Variants in FANCC observed in about 807,000 individuals in gnomAD.
The protein encoded by FANCC is FA complementation group C.
In FANCC, 55 loss-of-function variants were observed where a neutral mutation model predicts 71.3. That is an observed-to-expected ratio of 0.77 (90% CI 0.62 to 0.97). The LOEUF (loss-of-function observed/expected upper bound fraction) is 0.97, where lower values mean the gene tolerates loss of function less well. Ranked by LOEUF, FANCC falls within the 50% of genes least tolerant of loss-of-function variation. FANCC has a pLI of 0.00. For missense variants in FANCC, 678 were observed against 670.9 expected (o/e 1.01, Z -0.12); for synonymous variants, 275 against 244.9 (o/e 1.12, Z -1.15).
chr9:95,153,749 C>T (rs1203565783), intron 6 of FANCC, among the ~76,000 whole-genome samples: 2 of 152,104 alleles, frequency 1.3e-5, no homozygotes, highest in African/African-American at 4.8e-5. Context: ...ATATTTTCTC[C>T]CACTCTGTTG....
intron 7 of FANCC, among the ~76,000 whole-genome samples, chr9:95,138,168 A>G (rs1039390814): frequency 2.0e-5 from 3 of 152,256 alleles, no homozygotes; most frequent in Admixed American, 2.0e-4. Flanking sequence ...AGCCGAGGTC[A>G]GAGAGGACCA....
At chr9:95,274,866 G>A (rs1832946189) in intron 1 of FANCC, among the ~76,000 whole-genome samples, 1 of 152,148 alleles carries the variant, frequency 6.6e-6, no homozygotes, top group South Asian at 2.1e-4. Context: ...AAGGGATAAG[G>A]GGAGGATATC....
chr9:95,144,868 A>G (rs1347610738), intron 7 of FANCC, among the ~76,000 whole-genome samples: 1 of 152,206 alleles, frequency 6.6e-6, no homozygotes, highest in African/African-American at 2.4e-5. Flanking sequence ...GCACGTTCAC[A>G]ACGCCCTTTA....
At chr9:95,270,830 T>C (rs1446330939) in intron 1 of FANCC, among the ~76,000 whole-genome samples, 2 of 152,194 alleles carry the variant, frequency 1.3e-5, no homozygotes, top group Non-Finnish European at 2.9e-5. Flanking sequence ...TGCCACAATG[T>C]TAGAATACAC....
At chr9:95,259,612 C>T (rs1250427990) in intron 1 of FANCC, among the ~76,000 whole-genome samples, 2 of 152,162 alleles carry the variant, frequency 1.3e-5, no homozygotes, top group East Asian at 3.8e-4. Flanking sequence ...TAGGCAGTAC[C>T]ATTTAGGACA....
chr9:95,172,527 G>C (rs1280574983), intron 4 of FANCC, among the ~76,000 whole-genome samples: 1 of 151,782 alleles, frequency 6.6e-6, no homozygotes, highest in Non-Finnish European at 1.5e-5. Context: ...TGTCATACAA[G>C]GTTCAAGGGT....
At chr9:95,192,948 CCTTT>C (rs1827200971) in intron 4 of FANCC, among the ~76,000 whole-genome samples, 1 of 152,150 alleles carries the variant, frequency 6.6e-6, no homozygotes, top group Non-Finnish European at 1.5e-5. Context: ...TCAGAAAGTT[CCTTT>C]GTTATAAAAT....
chr9:95,186,371 G>A (rs772979090), intron 4 of FANCC: 4 of 152,210 alleles, frequency 2.6e-5, no homozygotes, highest in Admixed American at 6.5e-5. Context: ...TCAATGCCAG[G>A]AGCCCCCTCA....
chr9:95,151,037 G>A (rs780778508), intron 6 of FANCC, among the ~76,000 whole-genome samples: 8 of 152,174 alleles, frequency 5.3e-5, no homozygotes, highest in Non-Finnish European at 8.8e-5. Flanking sequence ...GGTGGCTGGC[G>A]GCTACAGTAC....
chr9:95,260,342 A>G (rs1442782646), intron 1 of FANCC, among the ~76,000 whole-genome samples: 1 of 152,216 alleles, frequency 6.6e-6, no homozygotes. Flanking sequence ...CATATACACC[A>G]TGGAATGCTA....
At chr9:95,258,368 T>C (rs755790415) in intron 1 of FANCC, among the ~76,000 whole-genome samples, 4 of 152,218 alleles carry the variant, frequency 2.6e-5, no homozygotes, top group African/African-American at 9.7e-5. Context: ...ATCCCTGGGA[T>C]GCAAGGCTGG....
At chr9:95,117,904 TAG>T (rs1170187012) in intron 10 of FANCC, among the ~76,000 whole-genome samples, 3 of 152,154 alleles carry the variant, frequency 2.0e-5, no homozygotes, top group African/African-American at 7.2e-5. Context: ...TACTTTTTAG[TAG>T]AGACAGAGTT....
intron 1 of FANCC, among the ~76,000 whole-genome samples, chr9:95,309,826 G>A (rs917462428): frequency 2.0e-5 from 3 of 152,126 alleles, no homozygotes; most frequent in African/African-American, 7.2e-5. Flanking sequence ...CATGGATCCA[G>A]CATGACAGGT....
intron 4 of FANCC, among the ~76,000 whole-genome samples, chr9:95,224,341 G>A (rs1829473033): frequency 6.6e-6 from 1 of 152,028 alleles, no homozygotes; most frequent in Non-Finnish European, 1.5e-5. Context: ...GGCCCAACAT[G>A]GTCTGCCACT....
intron 4 of FANCC, among the ~76,000 whole-genome samples, chr9:95,223,084 T>C (rs956554488): frequency 1.3e-5 from 2 of 152,248 alleles, no homozygotes; most frequent in African/African-American, 4.8e-5. Context: ...GGATAAACTA[T>C]CAGTAACCAT....
intron 1 of FANCC, among the ~76,000 whole-genome samples, chr9:95,281,846 C>A (rs1403926441): frequency 6.6e-6 from 1 of 151,786 alleles, no homozygotes; most frequent in East Asian, 1.9e-4. Context: ...GTAAAATAAC[C>A]TTTTATAACT....
chr9:95,311,723 G>GTGTGTGTA (rs1835416462), intron 1 of FANCC, among the ~76,000 whole-genome samples: 2 of 151,780 alleles, frequency 1.3e-5, no homozygotes, highest in African/African-American at 4.8e-5. Flanking sequence ...GTGTGTGTGT[G>GTGTGTGTA]TGTGTGTGTG....
At chr9:95,161,363 A>C (rs1830735494) in intron 6 of FANCC, among the ~76,000 whole-genome samples, 1 of 150,830 alleles carries the variant, frequency 6.6e-6, no homozygotes, top group Non-Finnish European at 1.5e-5. Flanking sequence ...CCCAGAATAC[A>C]ATTTACTGGC....
chr9:95,268,939 A>G (rs1021219065), intron 1 of FANCC, among the ~76,000 whole-genome samples: 23 of 152,334 alleles, frequency 1.5e-4, no homozygotes, highest in African/African-American at 5.1e-4. Context: ...GCTATGCTAT[A>G]GCACAAGAGC....
Sources: allele counts gnomAD v4.1 joint callset (sites outside exome capture counted in the v4.1 genomes callset), GRCh38; gene constraint gnomAD v4.1.1; transcripts MANE v1.5; gene names NCBI Gene and HGNC (gene_info 2026-07-23, HGNC 2026-07-21).